The following BCAS3 variants were observed in gnomAD, a reference collection of about 807,000 sequenced individuals.
The protein encoded by BCAS3 is BCAS4/BCAS3 fusion.
In BCAS3, 53 loss-of-function variants were observed where a neutral mutation model predicts 116.1. That is an observed-to-expected ratio of 0.46 (90% CI 0.37 to 0.57). The LOEUF (loss-of-function observed/expected upper bound fraction) is 0.57. Among genes scored for constraint, BCAS3 ranks in the 20% least tolerant of loss-of-function variants. The pLI, the probability that BCAS3 is intolerant of heterozygous loss-of-function variation, is 0.00. For missense variants in BCAS3, 917 were observed against 1,165.4 expected, an observed-to-expected ratio of 0.79 and a Z score of 3.10; for synonymous variants, 391 against 408.2, an observed-to-expected ratio of 0.96 and a Z score of 0.51.
rs1319555739 is a variant in BCAS3, at chr17:60,700,185, A to AAAAAAAAAAAAAAAAAAG, written c.215-9034_215-9033insAAAAAAAAAAAAAAAAAG. On this transcript the variant is annotated intron_variant, in intron 4 of 23. Transcript: ENST00000407086. ...TGAGACCCTGTCTCAAAAAAAAAAA[A>AAAAAAAAAAAAAAAAAAG]GAAGCAGTTCAACTCTTACGTGAAG... 8.4e-4 allele frequency among the ~76,000 whole-genome samples: 124 copies of AAAAAAAAAAAAAAAAAAG among 147,078 alleles called. 3 individuals carry two copies. The highest frequency in any genetic ancestry group is 3.5e-3 in the Middle Eastern group (1 of 282).
At chr17:60,891,972 A>G (rs2057182633) in intron 10 of BCAS3, among the ~76,000 whole-genome samples, 1 of 152,178 alleles carries the variant, frequency 6.6e-6, no homozygotes, top group African/African-American at 2.4e-5. Context: ...GCTGCAAAGG[A>G]CATGATTTCA....
rs2057374050 is a variant in BCAS3 at position 61,344,413 on chromosome 17, A to G, written c.2426-23914A>G. 6.6e-6 allele frequency among the ~76,000 whole-genome samples: 1 copy of G among 152,140 alleles called. No homozygotes were observed. Among genetic ancestry groups the G allele is most frequent in the Non-Finnish European group, 1.5e-5 (1 of 68,018 alleles). On this transcript the variant is annotated intron_variant, in intron 22 of 23. Coordinates refer to ENST00000407086, the MANE Select transcript of BCAS3 (RefSeq NM_017679.5). This position sits in a 1 kb window ranked among gnomAD's most constrained non-coding sequence, Gnocchi z 4.1. ...GGGACTTTCTTCCATCTGTGCACTGATGTTAGTGTCCCGTTGTCATTTAAG... is the reference window on the plus strand; with the variant it reads ...GGGACTTTCTTCCATCTGTGCACTGGTGTTAGTGTCCCGTTGTCATTTAAG...
chr17:60,924,042 G>A (rs903976687), intron 12 of BCAS3, among the ~76,000 whole-genome samples: 3 of 152,136 alleles, frequency 2.0e-5, no homozygotes, highest in South Asian at 2.1e-4. Context: ...GCATAACACA[G>A]TAAGACCTGT....
At chr17:61,374,533 C>T (rs554805937) in intron 23 of BCAS3, among the ~76,000 whole-genome samples, 2 of 152,302 alleles carry the variant, frequency 1.3e-5, no homozygotes, top group East Asian at 1.9e-4. Context: ...GTCTGTTCCC[C>T]GTGACTGTTC....
chr17:61,046,135 C>T (rs141076479), intron 19 of BCAS3, among the ~76,000 whole-genome samples: 4 of 88,698 alleles, frequency 4.5e-5, no homozygotes, highest in Admixed American at 1.8e-4. Context: ...GCAATACTGG[C>T]GCCAGTTTCA....
intron 6 of BCAS3, among the ~76,000 whole-genome samples, chr17:60,784,297 A>ATTTT (rs777660468): frequency 6.1e-5 from 7 of 114,832 alleles, no homozygotes; most frequent in East Asian, 2.3e-4. Flanking sequence ...AATGAAACAA[A>ATTTT]TTTTTTTTTT....
At chr17:61,372,739 C>G (rs1184889894) in intron 23 of BCAS3, among the ~76,000 whole-genome samples, 1 of 152,160 alleles carries the variant, frequency 6.6e-6, no homozygotes, top group South Asian at 2.1e-4. Context: ...GCCTGGAATG[C>G]TGTCTCTCAA....
intron 22 of BCAS3, among the ~76,000 whole-genome samples, chr17:61,242,712 A>G (rs1486646538): frequency 6.6e-6 from 1 of 152,190 alleles, no homozygotes; most frequent in African/African-American, 2.4e-5. Flanking sequence ...TTGCTTACAT[A>G]AGTTTATTCT....
At chr17:60,933,752 G>C (rs1181116564) in intron 13 of BCAS3, among the ~76,000 whole-genome samples, 3 of 152,184 alleles carry the variant, frequency 2.0e-5, no homozygotes, top group Non-Finnish European at 2.9e-5. Context: ...GCATAACATA[G>C]CTTGAGATTT....
At chr17:60,942,457 A>T (rs1219367488) in intron 13 of BCAS3, among the ~76,000 whole-genome samples, 1 of 152,104 alleles carries the variant, frequency 6.6e-6, no homozygotes, top group Non-Finnish European at 1.5e-5. Context: ...ACAAAACAAA[A>T]CAAATTTATT....
At position 61,020,317 on chromosome 17, in the gene BCAS3, A is replaced by G. The variant is rs996410331; in HGVS notation, c.1637+4416A>G. Among the ~76,000 whole-genome samples, 8 of 152,186 alleles carry G rather than the reference A, an allele frequency of 5.3e-5. No individual in the cohort carries two copies. Among genetic ancestry groups the G allele is most frequent in the African/African-American group, 1.4e-4 (6 of 41,448 alleles). On this transcript the variant is annotated intron_variant, in intron 16 of 23. Transcript: ENST00000407086. This position sits in a 1 kb window ranked among gnomAD's most constrained non-coding sequence, Gnocchi z 4.5. ...CCATCTGTCTCACTGCGAGACATAC[A>G]TGAGGCCAGTAGAACTACAAATAGC...
chr17:60,814,711 G>T (rs1487956555), intron 7 of BCAS3, among the ~76,000 whole-genome samples: 1 of 152,118 alleles, frequency 6.6e-6, no homozygotes, highest in Admixed American at 6.5e-5. Context: ...GAATTTTTCA[G>T]TGTGGAAAAG....
intron 7 of BCAS3, among the ~76,000 whole-genome samples, chr17:60,816,619 G>A (rs1263584762): frequency 2.6e-5 from 4 of 152,088 alleles, no homozygotes; most frequent in Non-Finnish European, 4.4e-5. Flanking sequence ...AAGAAGAGGG[G>A]AATTGCTATG....
chr17:60,940,542 T>C (rs117447102), intron 13 of BCAS3, among the ~76,000 whole-genome samples: 2,047 of 152,302 alleles, frequency 0.013, 25 homozygotes, highest in Non-Finnish European at 0.021. Context: ...GCTGAGGAGG[T>C]TAACGCTTTC....
chr17:60,748,712 G>A (rs773386581), intron 6 of BCAS3, among the ~76,000 whole-genome samples: 21 of 152,042 alleles, frequency 1.4e-4, no homozygotes, highest in Non-Finnish European at 2.4e-4. Context: ...TTTTAAGGCA[G>A]AAATATGTCT....
intron 22 of BCAS3, among the ~76,000 whole-genome samples, chr17:61,238,507 C>A (rs553038090): frequency 4.6e-5 from 7 of 152,082 alleles, no homozygotes; most frequent in African/African-American, 7.2e-5. Context: ...AGTTGTGAGC[C>A]ACCACACCCA....
chr17:60,807,979 C>T (rs1280308490), intron 6 of BCAS3, 25 bp from the exon 7 acceptor site: 15 of 1,513,716 alleles, frequency 9.9e-6, no homozygotes, highest in Non-Finnish European at 1.2e-5. Flanking sequence ...TCAAAGCTTA[C>T]AATTTATTTT....
rs141578016 is a variant in BCAS3 at position 61,257,382 on chromosome 17, C to T, written c.2426-110945C>T. Among the ~76,000 whole-genome samples, 564 of 140,394 alleles carry T rather than the reference C, an allele frequency of 4.0e-3. 3 individuals are homozygous for T. Among genetic ancestry groups the T allele is most frequent in the Middle Eastern group, 0.017 (4 of 230 alleles). 92.1% of individuals were successfully genotyped at this position (140,394 alleles called of 152,430 possible). A position where few individuals can be genotyped will look rare whatever the true frequency, so the allele number is the denominator to read the frequency against. On this transcript the variant is annotated intron_variant, in intron 22 of 23. Coordinates refer to ENST00000407086, the MANE Select transcript of BCAS3 (RefSeq NM_017679.5). Reference sequence around the variant, plus strand: ...GTTGCAGTGAGCCTTGATCACACCACTGCACTCCAACCTGGGAGACAGAGC... The same window carrying T: ...GTTGCAGTGAGCCTTGATCACACCATTGCACTCCAACCTGGGAGACAGAGC...
In BCAS3 at chr17:61,097,566, G is replaced by A. The variant is rs184091685; in HGVS notation, c.2425+13002G>A. On this transcript the variant is annotated intron_variant, in intron 22 of 23. Transcript: ENST00000407086. This position sits in a 1 kb window ranked among gnomAD's most constrained non-coding sequence, Gnocchi z 4.0. ...GGGTGATTTTTAAGTTTCCTTGGCA[G>A]TGTGAGATCCCCATGTCTGAATAAT... Among the ~76,000 whole-genome samples the A allele has an allele frequency of 7.0e-4, 106 of 152,296 alleles. No individual in the cohort carries two copies. Among genetic ancestry groups the A allele is most frequent in the African/African-American group, 2.4e-3 (101 of 41,562 alleles).
Sources: allele counts gnomAD v4.1 joint callset (sites outside exome capture counted in the v4.1 genomes callset), GRCh38; gene constraint gnomAD v4.1.1; non-coding constraint Gnocchi (gnomAD v3.1); transcripts MANE v1.5; gene names NCBI Gene and HGNC (gene_info 2026-07-23, HGNC 2026-07-21).